RPS6KA2: variants seen among roughly 807,000 people sequenced by gnomAD.
RPS6KA2 encodes ribosomal protein S6 kinase A2.
Under a neutral mutation model 91.8 loss-of-function variants are expected in RPS6KA2, and 42 were observed. The ratio of observed to expected loss-of-function variants is 0.46; its 90% CI spans 0.36 to 0.59. The LOEUF (loss-of-function observed/expected upper bound fraction) is 0.59. Among genes scored for constraint, RPS6KA2 ranks in the 20% least tolerant of loss-of-function variants. The probability of loss-of-function intolerance (pLI) is 0.00; values close to 1 mark genes in which losing one functional copy is unlikely to be tolerated. For missense variants in RPS6KA2, 798 were observed against 978.5 expected (o/e 0.82, Z 2.46); for synonymous variants, 414 against 393.6 (o/e 1.05, Z -0.61).
chr6:166,807,130 GAAGT>G (rs984668891), intron 2 of RPS6KA2, among the ~76,000 whole-genome samples: 37 of 152,290 alleles, frequency 2.4e-4, no homozygotes, highest in African/African-American at 8.9e-4. Flanking sequence ...CAAAATGACA[GAAGT>G]AAGTCCCTCC....
intron 2 of RPS6KA2, among the ~76,000 whole-genome samples, chr6:166,797,830 C>T (rs1483916664): frequency 6.6e-6 from 1 of 152,018 alleles, no homozygotes; most frequent in Non-Finnish European, 1.5e-5. Context: ...GGAATTTAAG[C>T]ACAGAGGTGA....
intron 2 of RPS6KA2, among the ~76,000 whole-genome samples, chr6:166,678,800 C>T (rs919468637): frequency 4.6e-5 from 7 of 152,312 alleles, no homozygotes; most frequent in Middle Eastern, 3.4e-3. Flanking sequence ...ATTTCTGCTG[C>T]GCCTTGAGCC....
chr6:166,820,741 TA>T (rs1583153279), intron 2 of RPS6KA2, among the ~76,000 whole-genome samples: 1 of 152,234 alleles, frequency 6.6e-6, no homozygotes, highest in Non-Finnish European at 1.5e-5. Context: ...TTTCCATACT[TA>T]TTATAGAGAA....
rs569544700 is a variant in RPS6KA2 at position 166,666,407 on chromosome 6, C to A, written c.124-127623G>T. ...AGTTGTGTCAAAATGCTAGAAAGTA[C>A]CATTTCAAATGCTGTTATGTGTTGT... On this transcript the variant is annotated intron_variant, in intron 2 of 21. Transcript: ENST00000503859. This position sits in a 1 kb window ranked among gnomAD's most constrained non-coding sequence, Gnocchi z 4.0. Among the ~76,000 whole-genome samples the A allele has an allele frequency of 5.9e-5, 9 of 152,264 alleles. No homozygotes were observed. The East Asian group carries it at 1.5e-3, about 26-fold the overall frequency.
chr6:166,590,382 A>G (rs1785316203), intron 1 of RPS6KA2, among the ~76,000 whole-genome samples: 1 of 152,076 alleles, frequency 6.6e-6, no homozygotes, highest in African/African-American at 2.4e-5. Flanking sequence ...CCCAGTGTGA[A>G]CTCCGTGTCA....
chr6:166,693,380 T>A (rs146315825), intron 2 of RPS6KA2, among the ~76,000 whole-genome samples: 218 of 152,338 alleles, frequency 1.4e-3, no homozygotes, highest in African/African-American at 4.6e-3. Flanking sequence ...GGAGATTCTA[T>A]TTTTGTAAGT....
At chr6:166,559,785 A>C (rs1366700585) in intron 1 of RPS6KA2, among the ~76,000 whole-genome samples, 2 of 152,264 alleles carry the variant, frequency 1.3e-5, no homozygotes, top group Non-Finnish European at 2.9e-5. Context: ...TTAGATGTAC[A>C]GAAAAGTCTA....
intron 2 of RPS6KA2, among the ~76,000 whole-genome samples, chr6:166,829,940 T>C (rs1407980399): frequency 6.6e-6 from 1 of 152,020 alleles, no homozygotes; most frequent in East Asian, 1.9e-4. Context: ...TGAAACCTCA[T>C]CTCTACTTTT....
At chr6:166,706,528 C>A (rs1789685011) in intron 2 of RPS6KA2, among the ~76,000 whole-genome samples, 1 of 152,144 alleles carries the variant, frequency 6.6e-6, no homozygotes, top group Non-Finnish European at 1.5e-5. Context: ...TGGAAGCGTC[C>A]CCTGCCGTGA....
chr6:166,706,133 G>A (rs191970815), intron 2 of RPS6KA2, among the ~76,000 whole-genome samples: 68 of 152,250 alleles, frequency 4.5e-4, no homozygotes, highest in East Asian at 1.5e-3. Flanking sequence ...AAGCCACTCC[G>A]TTTATCGTTT....
chr6:166,672,666 A>G (rs1329101513), intron 2 of RPS6KA2, among the ~76,000 whole-genome samples: 1 of 152,182 alleles, frequency 6.6e-6, no homozygotes, highest in Non-Finnish European at 1.5e-5. Flanking sequence ...ATTTTCTGAG[A>G]GAAAGGAATG....
At chr6:166,482,387 G>A (rs765420095) in intron 10 of RPS6KA2, among the ~76,000 whole-genome samples, 7 of 152,280 alleles carry the variant, frequency 4.6e-5, no homozygotes, top group East Asian at 3.9e-4. Flanking sequence ...CTGGGCCCTC[G>A]GTGACTGCAG....
chr6:166,814,441 C>T (rs1013825748), intron 2 of RPS6KA2, among the ~76,000 whole-genome samples: 1 of 152,212 alleles, frequency 6.6e-6, no homozygotes, highest in African/African-American at 2.4e-5. Flanking sequence ...GAGTTCCCAA[C>T]CCCTGGGCCA....
intron 12 of RPS6KA2, among the ~76,000 whole-genome samples, chr6:166,458,924 T>C (rs1265577825): frequency 2.0e-5 from 3 of 152,256 alleles, no homozygotes; most frequent in Non-Finnish European, 4.4e-5. Flanking sequence ...TGACCAGTTC[T>C]GATGAAATTT....
chr6:166,473,372 T>TACAAATACATG (rs1386002862), intron 10 of RPS6KA2, among the ~76,000 whole-genome samples: 1 of 152,118 alleles, frequency 6.6e-6, no homozygotes, highest in African/African-American at 2.4e-5. Flanking sequence ...TTGTATTTTT[T>TACAAATACATG]GTAGAGATGG....
At chr6:166,755,196 G>A (rs1034043774) in intron 2 of RPS6KA2, among the ~76,000 whole-genome samples, 1 of 152,180 alleles carries the variant, frequency 6.6e-6, no homozygotes, top group African/African-American at 2.4e-5. Flanking sequence ...TGGCCCCTGG[G>A]GTAAAGGCAG....
At chr6:166,471,370 T>C (rs1421005101) in intron 10 of RPS6KA2, among the ~76,000 whole-genome samples, 1 of 151,990 alleles carries the variant, frequency 6.6e-6, no homozygotes, top group Non-Finnish European at 1.5e-5. Flanking sequence ...TGGAGGAGGC[T>C]CGGGGGCTGT....
chr6:166,469,123 G>A (rs1469503180), intron 11 of RPS6KA2, among the ~76,000 whole-genome samples: 1 of 152,186 alleles, frequency 6.6e-6, no homozygotes, highest in African/African-American at 2.4e-5. Flanking sequence ...CCTGTGTGGG[G>A]GACGCGTCAG....
At chr6:166,641,579 C>A (rs890706385) in intron 2 of RPS6KA2, among the ~76,000 whole-genome samples, 4 of 151,298 alleles carry the variant, frequency 2.6e-5, no homozygotes, top group Admixed American at 1.3e-4. Flanking sequence ...CAAAAATCAG[C>A]CAGTGTAGTG....
Sources: gnomAD v4.1 joint callset for allele counts (sites outside exome capture counted in the v4.1 genomes callset) on GRCh38, gnomAD v4.1.1 for gene constraint, Gnocchi (gnomAD v3.1) non-coding constraint, MANE v1.5 for transcripts, NCBI Gene and HGNC (gene_info 2026-07-23, HGNC 2026-07-21) for gene names.